The following THSD7B variants were observed in gnomAD, a reference collection of about 807,000 sequenced individuals.
The protein encoded by THSD7B is thrombospondin type-1 domain-containing protein 7B.
A neutral mutation model predicts 213.6 loss-of-function variants in THSD7B; 138 were observed. That is an observed-to-expected ratio of 0.65 (90% CI 0.56 to 0.74). The LOEUF (loss-of-function observed/expected upper bound fraction) is 0.74, where lower values mean the gene tolerates loss of function less well. Ranked by LOEUF, THSD7B falls within the 30% of genes least tolerant of loss-of-function variation. The probability of loss-of-function intolerance (pLI) is 0.00; values close to 1 mark genes in which losing one functional copy is unlikely to be tolerated. For synonymous variants in THSD7B, 742 were observed against 687.0 expected, an observed-to-expected ratio of 1.08 and a Z score of -1.25; for missense variants, 1,931 against 1,991.5, an observed-to-expected ratio of 0.97 and a Z score of 0.58.
intron 2 of THSD7B, among the ~76,000 whole-genome samples, chr2:137,012,099 A>C (rs1686241351): frequency 1.3e-5 from 2 of 152,236 alleles, no homozygotes; most frequent in South Asian, 2.1e-4. Context: ...TAAATAACAC[A>C]AACAGTATAA....
intron 2 of THSD7B, among the ~76,000 whole-genome samples, chr2:137,046,231 C>G (rs1442450432): frequency 6.6e-6 from 1 of 152,156 alleles, no homozygotes; most frequent in Non-Finnish European, 1.5e-5. Context: ...TTTCTACTTT[C>G]ATGGAGTTTA....
intron 1 of THSD7B, among the ~76,000 whole-genome samples, chr2:136,796,313 T>A (rs1286625439): frequency 6.6e-6 from 1 of 151,962 alleles, no homozygotes; most frequent in African/African-American, 2.4e-5. Context: ...GGAAATGGCA[T>A]CCACTGGTCT....
At chr2:137,046,012 CT>C (rs144706408) in intron 2 of THSD7B, among the ~76,000 whole-genome samples, 3 of 149,834 alleles carry the variant, frequency 2.0e-5, no homozygotes, top group African/African-American at 4.9e-5. Context: ...TTCTCTTCAA[CT>C]TTTTTTTTTC....
chr2:136,767,175 C>T (rs1216922923), intron 1 of THSD7B, among the ~76,000 whole-genome samples: 3 of 152,088 alleles, frequency 2.0e-5, no homozygotes, highest in Non-Finnish European at 4.4e-5. Context: ...GTCTACTCAG[C>T]AGTTGGTGAA....
intron 15 of THSD7B, among the ~76,000 whole-genome samples, chr2:137,501,399 T>C (rs539295133): frequency 1.3e-5 from 2 of 150,724 alleles, no homozygotes; most frequent in Admixed American, 1.3e-4. Context: ...GCCATTTCAA[T>C]ATTACATTGA....
At chr2:137,330,470 T>A (rs1319804396) in intron 12 of THSD7B, among the ~76,000 whole-genome samples, 1 of 152,186 alleles carries the variant, frequency 6.6e-6, no homozygotes, top group Non-Finnish European at 1.5e-5. Flanking sequence ...GTGTTACAGC[T>A]CTTAAGGTGG....
intron 15 of THSD7B, among the ~76,000 whole-genome samples, chr2:137,550,190 C>T (rs954676002): frequency 2.6e-5 from 4 of 151,852 alleles, no homozygotes; most frequent in Non-Finnish European, 5.9e-5. Context: ...TTCAACTTAC[C>T]CCAAGTGCCT....
At chr2:137,119,100 C>T (rs1688497427) in intron 5 of THSD7B, among the ~76,000 whole-genome samples, 1 of 152,120 alleles carries the variant, frequency 6.6e-6, no homozygotes, top group African/African-American at 2.4e-5. Flanking sequence ...ACAGCCAAAC[C>T]ATATCATGAG....
chr2:137,491,063 A>G lies in THSD7B; in HGVS notation c.3138+40040A>G, dbSNP rs528852710. On this transcript the variant is annotated intron_variant, in intron 15 of 27. Transcript: ENST00000409968. ...GAAGGTTTATAGAGTTATTTATGTG[A>G]CCCCGTATTTTTAGATTAGAGACAC... is the stretch of plus-strand genomic sequence containing the variant. 1.3e-3 allele frequency among the ~76,000 whole-genome samples: 204 copies of G among 152,282 alleles called. 1 individual carries two copies. Among genetic ancestry groups the G allele is most frequent in the Middle Eastern group, 6.8e-3 (2 of 294 alleles).
chr2:137,396,978 G>A (rs1359384298), intron 12 of THSD7B, among the ~76,000 whole-genome samples: 1 of 140,136 alleles, frequency 7.1e-6, no homozygotes, highest in Non-Finnish European at 1.6e-5. Flanking sequence ...CAGAGACGAG[G>A]ATTGCAACCC....
intron 7 of THSD7B, among the ~76,000 whole-genome samples, chr2:137,224,762 C>G (rs935889298): frequency 7.2e-5 from 11 of 152,072 alleles, no homozygotes; most frequent in Non-Finnish European, 1.0e-4. Context: ...AGCTCCGCCT[C>G]CCGGGTTCAC....
At chr2:136,833,132 G>A (rs149320038) in intron 1 of THSD7B, among the ~76,000 whole-genome samples, 2,393 of 152,130 alleles carry the variant, frequency 0.016, 56 homozygotes, top group African/African-American at 0.055. Context: ...TTGGGAGGCC[G>A]AGGTGGGCGG....
intron 2 of THSD7B, among the ~76,000 whole-genome samples, chr2:136,960,957 C>T (rs894379882): frequency 1.6e-4 from 24 of 151,364 alleles, no homozygotes; most frequent in Admixed American, 5.9e-4. Context: ...GGCAAGGTGG[C>T]GGGCGCCTGT....
At position 137,141,421 on chromosome 2, in the gene THSD7B, T is replaced by C. The variant is rs185608581; in HGVS notation, c.1370-18792T>C. Reference sequence around the variant, plus strand: ...GTGATAGAGCAGCTCTGTAGCTTGATTGAGGTGCTGCTTACATGAATCTGC... The same window carrying C: ...GTGATAGAGCAGCTCTGTAGCTTGACTGAGGTGCTGCTTACATGAATCTGC... On this transcript the variant is annotated intron_variant, in intron 5 of 27. Transcript: ENST00000409968. 5.3e-4 allele frequency among the ~76,000 whole-genome samples: 81 copies of C among 151,998 alleles called. 1 individual carries two copies. In the East Asian group the frequency reaches 0.012, roughly 22 times the overall value.
intron 12 of THSD7B, among the ~76,000 whole-genome samples, chr2:137,383,155 C>CCTA (rs1457022793): frequency 7.9e-5 from 12 of 152,170 alleles, no homozygotes; most frequent in Admixed American, 7.9e-4. Flanking sequence ...TGTGACAAGA[C>CCTA]CTGTAGGTGG....
chr2:137,109,020 C>G (rs1319649984), intron 4 of THSD7B, among the ~76,000 whole-genome samples: 1 of 152,196 alleles, frequency 6.6e-6, no homozygotes, highest in East Asian at 1.9e-4. Context: ...ACTACTCTCT[C>G]TCATTCCAGG....
intron 5 of THSD7B, among the ~76,000 whole-genome samples, chr2:137,129,472 C>T (rs1484203829): frequency 6.6e-6 from 1 of 151,798 alleles, no homozygotes; most frequent in African/African-American, 2.4e-5. Context: ...CAGAGTCTCA[C>T]TCTGTCACCC....
At chr2:137,368,395 A>AT (rs1214051346) in intron 12 of THSD7B, among the ~76,000 whole-genome samples, 3 of 150,842 alleles carry the variant, frequency 2.0e-5, no homozygotes, top group African/African-American at 7.3e-5. Flanking sequence ...TATCTTAGGC[A>AT]TTTTTTTCAA....
chr2:136,773,656 G>T (rs1479895789), intron 1 of THSD7B, among the ~76,000 whole-genome samples: 1 of 151,980 alleles, frequency 6.6e-6, no homozygotes, highest in African/African-American at 2.4e-5. Flanking sequence ...TGTTTCAAGT[G>T]CTCAGTAGCC....
Sources: gnomAD v4.1 joint callset for allele counts (sites outside exome capture counted in the v4.1 genomes callset) on GRCh38, gnomAD v4.1.1 for gene constraint, MANE v1.5 for transcripts, NCBI Gene and HGNC (gene_info 2026-07-23, HGNC 2026-07-21) for gene names.